Variants in PPP1R14D observed in about 807,000 individuals in gnomAD.
PPP1R14D encodes protein phosphatase 1 regulatory inhibitor subunit 14D, also known as protein phosphatase 1 regulatory subunit 14D.
In PPP1R14D, 14 loss-of-function variants were observed where a neutral mutation model predicts 17.1. The ratio of observed to expected loss-of-function variants is 0.82; its 90% CI spans 0.54 to 1.28. The LOEUF (loss-of-function observed/expected upper bound fraction) is 1.28, where lower values mean the gene tolerates loss of function less well. PPP1R14D is among the 50% of genes most tolerant of loss of function. The pLI is 0.00. For missense variants in PPP1R14D, 173 were observed against 179.2 expected, an observed-to-expected ratio of 0.97 and a Z score of 0.20; for synonymous variants, 67 against 66.1, an observed-to-expected ratio of 1.01 and a Z score of -0.06.
Position 40,828,704 on chromosome 15 carries a change from G to C in PPP1R14D, c.-63C>G, listed in dbSNP as rs1596132093. 6 of 1,520,378 alleles carry C rather than the reference G, an allele frequency of 3.9e-6. No individual in the cohort carries two copies. In the East Asian group the frequency reaches 1.4e-4, roughly 35 times the overall value. The allele number at this position is 1,520,378 out of a possible 1,614,324, so 94.2% of individuals were successfully genotyped here. On this transcript the variant is annotated 5_prime_UTR_variant, in exon 1 of 4. Coordinates refer to ENST00000299174, the MANE Select transcript of PPP1R14D (RefSeq NM_017726.8). ...CCAGTTCTGAGCAGAGCCACAGAGG[G>C]AAGTGAGGAGACAGAGAACAGGAGA... is the stretch of plus-strand genomic sequence containing the variant.
In PPP1R14D at chr15:40,815,712, C is replaced by A. The variant is rs764102243; in HGVS notation, c.422G>T (p.Ser141Ile). Residue 141 changes from serine to isoleucine, a missense_variant, in exon 4 of 4, where the codon AGC (serine) becomes ATC (isoleucine). By Grantham distance (142) the Ser-to-Ile change is moderately radical (BLOSUM62 -2). Transcript: ENST00000299174. ...CTCTCAGGCTTATTTCTGAGGCCGG[C>A]TGAGTCTCCGGAGTTTCTTGAGTTG... is the stretch of plus-strand genomic sequence containing the variant. ...LSQLKKLRRL[S>I]RPQK is the part of the protein sequence containing the mutation. 6.2e-6 allele frequency: 10 copies of A among 1,613,770 alleles called. No individual in the cohort carries two copies. Among genetic ancestry groups the A allele is most frequent in the Non-Finnish European group, 8.5e-6 (10 of 1,179,864 alleles).
At chr15:40,816,343 A>G (rs1277343519) in intron 1 of PPP1R14D, 90 bp from the exon 2 acceptor site, 2 of 1,035,760 alleles carry the variant, frequency 1.9e-6, no homozygotes, top group Non-Finnish European at 3.0e-6. Flanking sequence ...ACCTCTCTCC[A>G]ATTTCCCATG....
intron 1 of PPP1R14D, among the ~76,000 whole-genome samples, chr15:40,824,351 T>C (rs1185650385): frequency 6.6e-6 from 1 of 152,078 alleles, no homozygotes; most frequent in Non-Finnish European, 1.5e-5. Flanking sequence ...CAAATGTTTG[T>C]TTCACACATT....
At chr15:40,821,469 T>C (rs537746135) in intron 1 of PPP1R14D, among the ~76,000 whole-genome samples, 2 of 150,772 alleles carry the variant, frequency 1.3e-5, no homozygotes, top group African/African-American at 2.4e-5. Flanking sequence ...GTTGAAGATA[T>C]AGCAAATGAA....
chr15:40,815,604 G>T lies in PPP1R14D; in HGVS notation c.*92C>A. ...CCCTCCTTGTCCACATTTCTTGTTT[G>T]TGTCCCAAGGAGCTATTTCCCTCTT... On this transcript the variant is annotated 3_prime_UTR_variant, in exon 4 of 4. Coordinates refer to ENST00000299174, the MANE Select transcript of PPP1R14D (RefSeq NM_017726.8). 1 of 1,445,330 alleles carries T rather than the reference G, an allele frequency of 6.9e-7. No homozygotes were observed. Among genetic ancestry groups the T allele is most frequent in the Non-Finnish European group, 9.5e-7 (1 of 1,056,612 alleles). 89.5% of individuals were successfully genotyped at this position (1,445,330 alleles called of 1,614,324 possible).
At chr15:40,817,295 T>C in intron 1 of PPP1R14D, 1 of 282,856 alleles carries the variant, frequency 3.5e-6, no homozygotes, top group Non-Finnish European at 7.7e-6. Context: ...AGGCAGAAGT[T>C]GCAGAGAATG....
chr15:40,821,840 ATCAG>A (rs1890783231), intron 1 of PPP1R14D, among the ~76,000 whole-genome samples: 1 of 152,244 alleles, frequency 6.6e-6, no homozygotes. Flanking sequence ...AGGCAGGAGA[ATCAG>A]TCAAACCTGG....
rs1269706006 is a variant in PPP1R14D at position 40,816,166 on chromosome 15, C to G, written c.339+4G>C. ...CCAAGGCCAGCTTCTAGCCCCCATC[C>G]TACCTCCAGCTGAGTCTTCTGCTCC... On this transcript the variant is annotated splice_donor_region_variant and intron_variant, in intron 2 of 3. Coordinates refer to ENST00000299174, the MANE Select transcript of PPP1R14D (RefSeq NM_017726.8). 4 of 1,613,994 alleles carry G rather than the reference C, an allele frequency of 2.5e-6. No individual in the cohort carries two copies. The highest frequency in any genetic ancestry group is 3.4e-6 in the Non-Finnish European group (4 of 1,179,838).
At chr15:40,822,604 C>T (rs1182531850) in intron 1 of PPP1R14D, among the ~76,000 whole-genome samples, 1 of 151,860 alleles carries the variant, frequency 6.6e-6, no homozygotes, top group Non-Finnish European at 1.5e-5. Flanking sequence ...CGGGTGCCTA[C>T]CACGTCCTGC....
At chr15:40,819,985 G>A (rs1434440840) in intron 1 of PPP1R14D, among the ~76,000 whole-genome samples, 1 of 151,626 alleles carries the variant, frequency 6.6e-6, no homozygotes, top group African/African-American at 2.4e-5. Context: ...TCCTGCCTCA[G>A]CCTCCCGAGT....
At chr15:40,828,030 G>A (rs1262118383) in intron 1 of PPP1R14D, among the ~76,000 whole-genome samples, 1 of 152,188 alleles carries the variant, frequency 6.6e-6, no homozygotes, top group East Asian at 1.9e-4. Context: ...TTGAACATGG[G>A]AGTAAATAAA....
At chr15:40,826,842 G>A (rs1042808391) in intron 1 of PPP1R14D, among the ~76,000 whole-genome samples, 1 of 152,224 alleles carries the variant, frequency 6.6e-6, no homozygotes, top group African/African-American at 2.4e-5. Context: ...TGGAGTTGTG[G>A]GAAGGATTAA....
chr15:40,824,566 A>C (rs1890839919), intron 1 of PPP1R14D, among the ~76,000 whole-genome samples: 1 of 151,874 alleles, frequency 6.6e-6, no homozygotes, highest in Admixed American at 6.6e-5. Flanking sequence ...ACAGGGTTTC[A>C]CCATATTACC....
chr15:40,817,189 T>TCAG, intron 1 of PPP1R14D: 1 of 243,160 alleles, frequency 4.1e-6, no homozygotes, highest in South Asian at 3.4e-5. Flanking sequence ...AAACCCCGTC[T>TCAG]CTACTGAATA....
intron 1 of PPP1R14D, among the ~76,000 whole-genome samples, chr15:40,821,794 G>T (rs1269041461): frequency 6.6e-6 from 1 of 151,976 alleles, no homozygotes; most frequent in Non-Finnish European, 1.5e-5. Context: ...CGGGTGTGGT[G>T]GTGCATGCCT....
In PPP1R14D at chr15:40,815,710, G is replaced by A. The variant is rs775089368; in HGVS notation, c.424C>T (p.Arg142Trp). 1.6e-5 allele frequency: 26 copies of A among 1,613,606 alleles called. No individual in the cohort carries two copies. The highest frequency in any genetic ancestry group is 1.3e-4 in the African/African-American group (10 of 74,888). ...SQLKKLRRLSRPQK is the reference protein window; with the variant it reads ...SQLKKLRRLSWPQK ...GTCTCTCAGGCTTATTTCTGAGGCC[G>A]GCTGAGTCTCCGGAGTTTCTTGAGT... The change falls in exon 4 of 4, where the codon CGG becomes TGG. Residue 142 changes from arginine to tryptophan, a missense_variant. Transcript: ENST00000299174.
chr15:40,828,424 T>C lies in PPP1R14D; in HGVS notation c.218A>G (p.Glu73Gly). Residue 73 changes from glutamate (E) to glycine (G), a missense_variant, in exon 1 of 4, where the codon GAG becomes GGG. By Grantham distance (98) the Glu-to-Gly change is moderately conservative. Transcript: ENST00000299174. ...CTGAACTTGAGCATCCACCCATTGC[T>C]CCATCTCCAGCCAGCGCTGGAGCTG... ...RGQLQRWLEM[E>G]QWVDAQVQEL... is the part of the protein sequence containing the mutation. 6.2e-7 allele frequency: 1 copy of C among 1,612,090 alleles called. No individual in the cohort carries two copies. The highest frequency in any genetic ancestry group is 8.5e-7 in the Non-Finnish European group (1 of 1,179,062).
At chr15:40,825,098 A>G (rs1187959751) in intron 1 of PPP1R14D, among the ~76,000 whole-genome samples, 1 of 152,180 alleles carries the variant, frequency 6.6e-6, no homozygotes. Context: ...AGACTGGCCA[A>G]CATGGTGAAA....
In PPP1R14D at chr15:40,819,030, G is replaced by A. The variant is rs148623871; in HGVS notation, c.256-2777C>T. 1.9e-3 allele frequency among the ~76,000 whole-genome samples: 294 copies of A among 152,102 alleles called. 3 individuals carry two copies. Among genetic ancestry groups the A allele is most frequent in the African/African-American group, 6.8e-3 (282 of 41,502 alleles). On this transcript the variant is annotated intron_variant, in intron 1 of 3. Transcript: ENST00000299174. ...AACCTAAAACTGCTCTAAAAAATAG[G>A]TCTATTAAAAAAGGACGTGAGCTCA...
Sources: gnomAD v4.1 joint callset for allele counts (sites outside exome capture counted in the v4.1 genomes callset) on GRCh38, gnomAD v4.1.1 for gene constraint, MANE v1.5 for transcripts, NCBI Gene and HGNC (gene_info 2026-07-23, HGNC 2026-07-21) for gene names.